Variants in SLC35F4 observed in about 807,000 individuals in gnomAD.
SLC35F4 encodes the protein chromosome 14 open reading frame 36.
A neutral mutation model predicts 44.2 loss-of-function variants in SLC35F4; 24 were observed. The observed-to-expected ratio is 0.54, with a 90% CI of 0.39 to 0.76. SLC35F4 has a LOEUF of 0.76. SLC35F4 is among the 30% of genes least tolerant of loss of function. The pLI, the probability that SLC35F4 is intolerant of heterozygous loss-of-function variation, is 0.00. For synonymous variants in SLC35F4, 238 were observed against 223.6 expected (o/e 1.06, Z -0.57); for missense variants, 562 against 586.1 (o/e 0.96, Z 0.42).
intron 4 of SLC35F4, among the ~76,000 whole-genome samples, chr14:57,574,583 T>C (rs2068683782): frequency 6.6e-6 from 1 of 152,214 alleles, no homozygotes; most frequent in African/African-American, 2.4e-5. Context: ...AGATAAATTA[T>C]TTGCCACATT....
At chr14:57,897,255 G>T (rs1279677246) in intron 1 of SLC35F4, among the ~76,000 whole-genome samples, 1 of 151,978 alleles carries the variant, frequency 6.6e-6, no homozygotes, top group East Asian at 1.9e-4. Context: ...TCCCTGATAG[G>T]GTTAAAGCTC....
At chr14:57,747,624 T>G in intron 1 of SLC35F4, among the ~76,000 whole-genome samples, 1 of 152,190 alleles carries the variant, frequency 6.6e-6, no homozygotes, top group East Asian at 1.9e-4. Flanking sequence ...GAAGCAAATC[T>G]CATTTCATTA....
Position 57,627,056 on chromosome 14 carries a change from T to C in SLC35F4, c.104-32932A>G, listed in dbSNP as rs2072515816. On this transcript the variant is annotated intron_variant, in intron 1 of 7. Coordinates refer to ENST00000556826, the MANE Select transcript of SLC35F4 (RefSeq NM_001306087.2). ...TCTATAGTAACTCCAATAAATGAAA[T>C]TCACAAGTCTATCCAAGGGCAAGGC... Among the ~76,000 whole-genome samples, 4 of 152,152 alleles carry C rather than the reference T, an allele frequency of 2.6e-5. No individual in the cohort carries two copies. The South Asian group carries it at 8.3e-4, about 31-fold the overall frequency.
In SLC35F4 at chr14:57,783,013, G is replaced by A. The variant is rs1989168121; in HGVS notation, c.103+82710C>T. Among the ~76,000 whole-genome samples the A allele has an allele frequency of 2.0e-5, 3 of 152,080 alleles. No individual in the cohort carries two copies. The South Asian group carries it at 6.2e-4, about 32-fold the overall frequency. ...AAGGAAGGAAGGGAGCTGGGAGGGA[G>A]GGGAAATGTGTGAAGCTGTTGCTGC... On this transcript the variant is annotated intron_variant, in intron 1 of 7. Coordinates refer to ENST00000556826, the MANE Select transcript of SLC35F4 (RefSeq NM_001306087.2).
intron 1 of SLC35F4, among the ~76,000 whole-genome samples, chr14:57,899,518 A>C (rs1445928412): frequency 2.0e-5 from 3 of 152,254 alleles, no homozygotes; most frequent in African/African-American, 7.2e-5. Context: ...AGTGCTACAC[A>C]AGTGTACAAG....
chr14:57,806,296 G>A (rs747886422), intron 1 of SLC35F4, among the ~76,000 whole-genome samples: 4 of 152,060 alleles, frequency 2.6e-5, no homozygotes, highest in Non-Finnish European at 5.9e-5. Flanking sequence ...GCTAACCAGA[G>A]CAATGAAATA....
At chr14:57,977,775 G>A (rs76970916) in intron 1 of SLC35F4, among the ~76,000 whole-genome samples, 13,153 of 152,126 alleles carry the variant, frequency 0.086, 749 homozygotes, top group African/African-American at 0.15. Flanking sequence ...GATGAGTGCC[G>A]ACTATAAATG....
At chr14:57,849,643 A>C (rs1033543531) in intron 1 of SLC35F4, among the ~76,000 whole-genome samples, 2 of 152,204 alleles carry the variant, frequency 1.3e-5, no homozygotes, top group Non-Finnish European at 2.9e-5. Context: ...AGAGCTACTA[A>C]AACTTTAATA....
At chr14:57,979,112 G>A (rs1321919648) in intron 1 of SLC35F4, among the ~76,000 whole-genome samples, 1 of 152,160 alleles carries the variant, frequency 6.6e-6, no homozygotes, top group Non-Finnish European at 1.5e-5. Context: ...GGATGTCTGG[G>A]TCAATCCACC....
At chr14:57,878,162 G>T (rs1162453700) in intron 1 of SLC35F4, among the ~76,000 whole-genome samples, 5 of 151,886 alleles carry the variant, frequency 3.3e-5, no homozygotes, top group Admixed American at 2.0e-4. Context: ...TTTTAATGGG[G>T]CTGTTTGCTT....
At chr14:57,842,803 G>T (rs1471912301) in intron 1 of SLC35F4, among the ~76,000 whole-genome samples, 1 of 152,188 alleles carries the variant, frequency 6.6e-6, no homozygotes, top group East Asian at 1.9e-4. Flanking sequence ...GTGTGTCTGT[G>T]AGGGTGTTGC....
At chr14:57,814,231 T>TTAA (rs1882313044) in intron 1 of SLC35F4, among the ~76,000 whole-genome samples, 1 of 152,240 alleles carries the variant, frequency 6.6e-6, no homozygotes, top group South Asian at 2.1e-4. Context: ...AAATGTGCAA[T>TTAA]CAAGTTCATT....
intron 6 of SLC35F4, 47 bp downstream of exon 6, chr14:57,569,741 A>C: frequency 6.7e-7 from 1 of 1,494,454 alleles, no homozygotes; most frequent in Non-Finnish European, 8.9e-7. Flanking sequence ...AACTAGCCAA[A>C]GAAAGATTGA....
intron 1 of SLC35F4, among the ~76,000 whole-genome samples, chr14:57,716,696 A>G (rs35904818): frequency 0.4 from 60,205 of 152,058 alleles, 11,948 homozygotes; most frequent in Middle Eastern, 0.43. Flanking sequence ...GGTAATCAGC[A>G]TATTCATCAC....
intron 1 of SLC35F4, among the ~76,000 whole-genome samples, chr14:57,965,192 C>T (rs1028147840): frequency 6.6e-6 from 1 of 152,018 alleles, no homozygotes; most frequent in African/African-American, 2.4e-5. Context: ...TTCTGCATTC[C>T]TGTCCGGAGA....
chr14:57,951,009 G>A (rs551415141), intron 1 of SLC35F4, among the ~76,000 whole-genome samples: 1 of 152,226 alleles, frequency 6.6e-6, no homozygotes, highest in East Asian at 1.9e-4. Flanking sequence ...TGGGGTGGCT[G>A]GCAAGATGGC....
chr14:57,939,517 G>A (rs1214723814), intron 1 of SLC35F4, among the ~76,000 whole-genome samples: 1 of 152,170 alleles, frequency 6.6e-6, no homozygotes, highest in East Asian at 1.9e-4. Flanking sequence ...GGTCTTCCAT[G>A]TTGCCCTAAG....
intron 1 of SLC35F4, among the ~76,000 whole-genome samples, chr14:57,877,124 C>T (rs997315458): frequency 1.3e-5 from 2 of 152,172 alleles, no homozygotes; most frequent in Middle Eastern, 3.4e-3. Context: ...GAGCCTAGTA[C>T]CTGATAGGCA....
At chr14:57,735,416 A>G (rs2076438399) in intron 1 of SLC35F4, among the ~76,000 whole-genome samples, 1 of 152,170 alleles carries the variant, frequency 6.6e-6, no homozygotes, top group Admixed American at 6.5e-5. Flanking sequence ...ATCTGAGCTC[A>G]TTCACACAGC....
Sources: allele counts gnomAD v4.1 joint callset (sites outside exome capture counted in the v4.1 genomes callset), GRCh38; gene constraint gnomAD v4.1.1; transcripts MANE v1.5; gene names NCBI Gene and HGNC (gene_info 2026-07-23, HGNC 2026-07-21).